The following SAMMSON variants were observed in gnomAD, a reference collection of about 807,000 sequenced individuals.
The protein encoded by SAMMSON is survival associated mitochondrial melanoma specific oncogenic non-coding RNA.
intron 2 of SAMMSON, among the ~76,000 whole-genome samples, chr3:70,410,101 C>A (rs988097582): frequency 2.6e-5 from 4 of 152,154 alleles, no homozygotes; most frequent in African/African-American, 9.7e-5. Context: ...GGCTTCTGAA[C>A]TGAAAAATCT....
intron 4 of SAMMSON, among the ~76,000 whole-genome samples, chr3:70,112,848 TTTC>T (rs2067395125): frequency 6.6e-6 from 1 of 152,190 alleles, no homozygotes; most frequent in African/African-American, 2.4e-5. Context: ...CAGACTTGGT[TTTC>T]TTTTTATCTC....
intron 7 of SAMMSON, among the ~76,000 whole-genome samples, chr3:70,315,290 T>A (rs1702487207): frequency 6.6e-6 from 1 of 152,162 alleles, no homozygotes; most frequent in Non-Finnish European, 1.5e-5. Context: ...TGCCATTTGA[T>A]TTTGCCTTTG....
At chr3:70,072,524 A>T (rs2067233875) in intron 4 of SAMMSON, 1 of 151,800 alleles carries the variant, frequency 6.6e-6, no homozygotes, top group African/African-American at 2.4e-5. Context: ...AAGAAAAAAA[A>T]ATCTCCTCCT....
At chr3:70,323,811 G>T (rs559764872) in intron 7 of SAMMSON, among the ~76,000 whole-genome samples, 2 of 152,016 alleles carry the variant, frequency 1.3e-5, no homozygotes, top group Non-Finnish European at 2.9e-5. Context: ...TTTCCTCCTG[G>T]AGTCTGCTTC....
At chr3:70,200,895 C>G (rs1285481657) in intron 4 of SAMMSON, among the ~76,000 whole-genome samples, 2 of 150,314 alleles carry the variant, frequency 1.3e-5, no homozygotes, top group Admixed American at 1.3e-4. Flanking sequence ...AGCCTGTGGT[C>G]TCTATCCCAC....
At chr3:70,062,492 T>C (rs2067194034) in intron 3 of SAMMSON, among the ~76,000 whole-genome samples, 1 of 152,070 alleles carries the variant, frequency 6.6e-6, no homozygotes, top group Non-Finnish European at 1.5e-5. Flanking sequence ...CACTGTTCTA[T>C]CCTCAGGCCC....
At chr3:70,387,243 T>C (rs549925143) in intron 9 of SAMMSON, among the ~76,000 whole-genome samples, 2 of 152,164 alleles carry the variant, frequency 1.3e-5, no homozygotes, top group East Asian at 3.9e-4. Context: ...CAAAGTAGAA[T>C]CATGAATGTT....
chr3:70,201,560 C>T (rs1701239801), intron 4 of SAMMSON, among the ~76,000 whole-genome samples: 1 of 152,122 alleles, frequency 6.6e-6, no homozygotes, highest in Admixed American at 6.6e-5. Context: ...TATTATGATC[C>T]CTGTTTATGG....
chr3:70,154,789 A>T (rs1004296564), intron 4 of SAMMSON, among the ~76,000 whole-genome samples: 1 of 152,022 alleles, frequency 6.6e-6, no homozygotes, highest in African/African-American at 2.4e-5. Flanking sequence ...CTTATGGTGG[A>T]ATCTTATGGT....
intron 1 of SAMMSON, among the ~76,000 whole-genome samples, chr3:70,006,965 A>G (rs1257119235): frequency 6.6e-6 from 1 of 151,914 alleles, no homozygotes; most frequent in Non-Finnish European, 1.5e-5. Flanking sequence ...TGTCCCTACA[A>G]AGGACATGAA....
intron 4 of SAMMSON, among the ~76,000 whole-genome samples, chr3:70,191,682 C>T (rs1229115876): frequency 6.6e-6 from 1 of 151,938 alleles, no homozygotes; most frequent in Non-Finnish European, 1.5e-5. Flanking sequence ...TTTGATATAG[C>T]CATAGTATTT....
intron 9 of SAMMSON, among the ~76,000 whole-genome samples, chr3:70,362,804 CT>C (rs11360944): frequency 0.4 from 53,963 of 133,754 alleles, 9,914 homozygotes; most frequent in East Asian, 0.65. Flanking sequence ...GAAAGATCTG[CT>C]TTTTTTTTTT....
In SAMMSON at chr3:70,320,091, A is replaced by G. The variant is rs182656300; in HGVS notation, n.739+28848A>G. Among the ~76,000 whole-genome samples, 19 of 152,168 alleles carry G rather than the reference A, an allele frequency of 1.2e-4. No homozygotes were observed. The East Asian group carries it at 3.1e-3, about 25-fold the overall frequency. Reference sequence around the variant, plus strand: ...GTAAGGACACATGTAGAGAATCCCAAACTTCCTTCAAGCTTGAGAGAAGTG... The same window carrying G: ...GTAAGGACACATGTAGAGAATCCCAGACTTCCTTCAAGCTTGAGAGAAGTG... On this transcript the variant is annotated intron_variant and non_coding_transcript_variant, in intron 7 of 9. Coordinates refer to ENST00000642114, the Ensembl canonical transcript of SAMMSON.
intron 2 of SAMMSON, among the ~76,000 whole-genome samples, chr3:70,410,784 T>C (rs1353086982): frequency 1.3e-5 from 2 of 152,192 alleles, no homozygotes; most frequent in Non-Finnish European, 2.9e-5. Flanking sequence ...AAATGAAAAG[T>C]ATTTATCATG....
chr3:70,049,636 ATTG>A (rs1373465000), intron 3 of SAMMSON, among the ~76,000 whole-genome samples: 1 of 152,104 alleles, frequency 6.6e-6, no homozygotes, highest in Non-Finnish European at 1.5e-5. Context: ...TATCATCATT[ATTG>A]TTGTCACTAG....
intron 7 of SAMMSON, among the ~76,000 whole-genome samples, chr3:70,313,443 A>G (rs1007710270): frequency 6.6e-6 from 1 of 151,704 alleles, no homozygotes; most frequent in East Asian, 1.9e-4. Flanking sequence ...GTGCCATTGC[A>G]CTTCAGCCTG....
intron 9 of SAMMSON, among the ~76,000 whole-genome samples, chr3:70,363,063 G>A (rs1454684779): frequency 6.6e-6 from 1 of 151,742 alleles, no homozygotes; most frequent in African/African-American, 2.4e-5. Context: ...AAAGGGGAAT[G>A]AAAAAATAAA....
intron 2 of SAMMSON, among the ~76,000 whole-genome samples, chr3:70,420,519 T>C (rs1701302709): frequency 6.6e-6 from 1 of 152,218 alleles, no homozygotes; most frequent in South Asian, 2.1e-4. Flanking sequence ...TTGAGTATAA[T>C]ATGCACTTAT....
downstream of SAMMSON, among the ~76,000 whole-genome samples, chr3:70,394,110 C>T (rs1485439553): frequency 3.3e-5 from 5 of 152,144 alleles, no homozygotes; most frequent in African/African-American, 1.2e-4. Context: ...ACAGGACTCC[C>T]TGCCAGATTG....
Sources: gnomAD v4.1 joint callset for allele counts (sites outside exome capture counted in the v4.1 genomes callset) on GRCh38, gnomAD v4.1.1 for gene constraint, MANE v1.5 for transcripts, NCBI Gene and HGNC (gene_info 2026-07-23, HGNC 2026-07-21) for gene names.